Variants in SENP6 observed in about 807,000 individuals in gnomAD.
SENP6 encodes sentrin-specific protease 6.
Under a neutral mutation model 134.5 loss-of-function variants are expected in SENP6, and 41 were observed. The observed-to-expected ratio is 0.30, with a 90% CI of 0.24 to 0.40. The LOEUF is 0.40. Among genes scored for constraint, SENP6 ranks in the 10% least tolerant of loss-of-function variants. The pLI is 1.00. For synonymous variants in SENP6, 395 were observed against 429.8 expected, an observed-to-expected ratio of 0.92 and a Z score of 1.00; for missense variants, 1,248 against 1,312.5, an observed-to-expected ratio of 0.95 and a Z score of 0.76.
At chr6:75,688,751 T>C (rs565912080) in intron 16 of SENP6, among the ~76,000 whole-genome samples, 1 of 152,110 alleles carries the variant, frequency 6.6e-6, no homozygotes, top group East Asian at 1.9e-4. Flanking sequence ...TGAAGCCCTG[T>C]GTCTACAAAA....
At chr6:75,614,435 T>C (rs1024167029) in intron 1 of SENP6, among the ~76,000 whole-genome samples, 6 of 151,834 alleles carry the variant, frequency 4.0e-5, no homozygotes, top group Non-Finnish European at 5.9e-5. Flanking sequence ...CAGGCAAATT[T>C]TTTTGTATTT....
At chr6:75,623,868 C>G (rs906312040) in intron 2 of SENP6, 32 bp from the exon 3 acceptor site, 7 of 1,553,586 alleles carry the variant, frequency 4.5e-6, no homozygotes, top group African/African-American at 1.4e-5. Flanking sequence ...GTGATTGCTA[C>G]TTATGTTTTT....
intron 3 of SENP6, among the ~76,000 whole-genome samples, chr6:75,629,530 C>T (rs1209735765): frequency 6.6e-6 from 1 of 152,148 alleles, no homozygotes; most frequent in Non-Finnish European, 1.5e-5. Context: ...GAACTCCAGA[C>T]CTCAGGTGAT....
At chr6:75,608,287 C>T (rs973858276) in intron 1 of SENP6, among the ~76,000 whole-genome samples, 1 of 151,888 alleles carries the variant, frequency 6.6e-6, no homozygotes, top group African/African-American at 2.4e-5. Context: ...ATAACGAGGC[C>T]CCATCTCTGC....
intron 9 of SENP6, among the ~76,000 whole-genome samples, chr6:75,666,426 GC>G (rs1772252151): frequency 6.6e-6 from 1 of 150,450 alleles, no homozygotes; most frequent in African/African-American, 2.4e-5. Context: ...TGCTGATATT[GC>G]TGTTTGGGTG....
At chr6:75,605,376 A>C (rs1766953921) in intron 1 of SENP6, among the ~76,000 whole-genome samples, 1 of 152,208 alleles carries the variant, frequency 6.6e-6, no homozygotes, top group Non-Finnish European at 1.5e-5. Context: ...TCTCTGTAAT[A>C]AACTGTGAAA....
At chr6:75,695,057 G>A (rs1774561691) in intron 16 of SENP6, among the ~76,000 whole-genome samples, 1 of 151,868 alleles carries the variant, frequency 6.6e-6, no homozygotes, top group South Asian at 2.1e-4. Flanking sequence ...TGTATTTTTA[G>A]TAGAGACAGG....
At chr6:75,681,042 A>G (rs1328268691) in intron 16 of SENP6, among the ~76,000 whole-genome samples, 1 of 152,220 alleles carries the variant, frequency 6.6e-6, no homozygotes, top group Non-Finnish European at 1.5e-5. Flanking sequence ...AAAGAATATC[A>G]ATAGACATTA....
intron 5 of SENP6, among the ~76,000 whole-genome samples, chr6:75,635,856 T>C (rs1769472396): frequency 6.6e-6 from 1 of 152,138 alleles, no homozygotes; most frequent in Admixed American, 6.6e-5. Flanking sequence ...ATAGAAACCA[T>C]TGCTGATAAA....
intron 18 of SENP6, among the ~76,000 whole-genome samples, chr6:75,701,941 A>G (rs892430252): frequency 6.6e-6 from 1 of 151,904 alleles, no homozygotes; most frequent in Non-Finnish European, 1.5e-5. Flanking sequence ...CACCTGGCCG[A>G]CAGTTTAATC....
chr6:75,675,873 T>A lies in SENP6; in HGVS notation c.1440T>A (p.Asp480Glu). 6.3e-7 allele frequency: 1 copy of A among 1,596,118 alleles called. No individual in the cohort carries two copies. The highest frequency in any genetic ancestry group is 8.5e-7 in the Non-Finnish European group (1 of 1,174,326). Residue 480 changes from aspartate (D) to glutamate (E), a missense_variant, in exon 13 of 24, where the codon GAT becomes GAA. Asp to Glu is a conservative substitution (Grantham distance 45). Coordinates refer to ENST00000447266, the MANE Select transcript of SENP6 (RefSeq NM_015571.4). ...GTTTTCCTCCAGAACCAGACCATGA[T>A]CCTGTAGAGATTATATTAAATACCT... The part of the protein sequence containing the change: ...IKIQLDEPDH[D>E]PVEIILNTSD...
intron 12 of SENP6, 101 bp downstream of exon 12, chr6:75,675,569 G>A: frequency 1.3e-6 from 1 of 757,934 alleles, no homozygotes; most frequent in African/African-American, 1.8e-5. Context: ...TTATTAAGAT[G>A]GTTAGTTGTT....
intron 7 of SENP6, among the ~76,000 whole-genome samples, chr6:75,652,691 A>AAAAAG (rs1427467428): frequency 6.7e-6 from 1 of 149,638 alleles, no homozygotes; most frequent in African/African-American, 2.5e-5. Flanking sequence ...CTCAAAAAAA[A>AAAAAG]AAAAAAAAAA....
intron 8 of SENP6, among the ~76,000 whole-genome samples, 184 bp from the exon 9 acceptor site, chr6:75,663,037 G>T (rs575967078): frequency 6.6e-6 from 1 of 152,300 alleles, no homozygotes; most frequent in East Asian, 1.9e-4. Context: ...TAATGATGGG[G>T]AAGAGAGGGA....
intron 9 of SENP6, among the ~76,000 whole-genome samples, chr6:75,666,029 T>A (rs896579881): frequency 3.4e-5 from 5 of 146,828 alleles, no homozygotes; most frequent in African/African-American, 9.9e-5. Flanking sequence ...CATCTCAAAA[T>A]ATATATATAT....
chr6:75,703,934 A>G (rs1467925105), intron 19 of SENP6, among the ~76,000 whole-genome samples: 1 of 152,168 alleles, frequency 6.6e-6, no homozygotes, highest in Admixed American at 6.5e-5. Flanking sequence ...TTCATAGGAA[A>G]TTTACAGTAT....
chr6:75,614,873 G>C (rs1247946027), intron 1 of SENP6, among the ~76,000 whole-genome samples: 2 of 152,026 alleles, frequency 1.3e-5, no homozygotes, highest in Non-Finnish European at 2.9e-5. Flanking sequence ...TCTATTCCTG[G>C]TTTGCAAGTT....
chr6:75,676,092 G>A (rs1250360408), intron 13 of SENP6, 38 bp downstream of exon 13: 2 of 1,372,016 alleles, frequency 1.5e-6, no homozygotes, highest in Non-Finnish European at 2.0e-6. Flanking sequence ...GATAATAATA[G>A]ATACTGTATT....
intron 10 of SENP6, among the ~76,000 whole-genome samples, chr6:75,670,303 A>G (rs1006368246): frequency 6.6e-6 from 1 of 152,206 alleles, no homozygotes; most frequent in Non-Finnish European, 1.5e-5. Context: ...TCTGATTCCC[A>G]GAGTACTATT....
Sources: allele counts gnomAD v4.1 joint callset (sites outside exome capture counted in the v4.1 genomes callset), GRCh38; gene constraint gnomAD v4.1.1; transcripts MANE v1.5; gene names NCBI Gene and HGNC (gene_info 2026-07-23, HGNC 2026-07-21).